Variants in PLOD2 observed in about 807,000 individuals in gnomAD.
PLOD2 encodes lysine hydroxylase 2.
In PLOD2, 65 loss-of-function variants were observed where a neutral mutation model predicts 101.0. The ratio of observed to expected loss-of-function variants is 0.64; its 90% confidence interval spans 0.53 to 0.79. The LOEUF (loss-of-function observed/expected upper bound fraction) is 0.79. PLOD2 is among the 30% of genes least tolerant of loss of function. The pLI is 0.00. For missense variants in PLOD2, 909 were observed against 914.6 expected (o/e 0.99, Z 0.08); for synonymous variants, 314 against 302.9 (o/e 1.04, Z -0.38).
intron 9 of PLOD2, among the ~76,000 whole-genome samples, chr3:146,087,624 C>T (rs1936826836): frequency 6.6e-6 from 1 of 151,258 alleles, no homozygotes; most frequent in Admixed American, 6.6e-5. Flanking sequence ...TTGCTTTTTG[C>T]AGATTTTTAA....
chr3:146,104,172 C>G, intron 6 of PLOD2, 107 bp downstream of exon 6: 1 of 770,496 alleles, frequency 1.3e-6, no homozygotes. Flanking sequence ...AATATTTACA[C>G]TGTCGACCTT....
At chr3:146,109,491 T>C (rs1331704185) in intron 4 of PLOD2, among the ~76,000 whole-genome samples, 1 of 152,222 alleles carries the variant, frequency 6.6e-6, no homozygotes, top group Non-Finnish European at 1.5e-5. Flanking sequence ...GCACTTATTT[T>C]AACTAGCCTG....
chr3:146,148,440 C>G (rs528122080), intron 1 of PLOD2, among the ~76,000 whole-genome samples: 14 of 150,816 alleles, frequency 9.3e-5, no homozygotes, highest in Non-Finnish European at 1.6e-4. Context: ...TACCTAAATA[C>G]GAAGAATAAA....
intron 13 of PLOD2, 65 bp from the exon 14 acceptor site, chr3:146,077,989 A>G: frequency 2.3e-6 from 2 of 878,300 alleles, no homozygotes. Context: ...ATTCTTTGGT[A>G]AATAAAAATA....
Position 146,070,863 on chromosome 3 carries a change from A to G in PLOD2, c.2131T>C (p.Cys711Arg). 6.2e-7 allele frequency: 1 copy of G among 1,608,774 alleles called. No homozygotes were observed. Among genetic ancestry groups the G allele is most frequent in the Non-Finnish European group, 8.5e-7 (1 of 1,176,318 alleles). ...NVGEDFQGGG[C>R]KFLRYNCSIE... ...GAGCAATTGTACCTTAGAAATTTGC[A>G]ACCACCTCCCTAAAAAAGTTAAAAT... Residue 711 changes from cysteine (C) to arginine (R), a missense_variant, in exon 20 of 20, where the codon TGC (cysteine) becomes CGC (arginine). By Grantham distance (180) the Cys-to-Arg change is radical (BLOSUM62 -3). Coordinates refer to ENST00000282903, the MANE Select transcript of PLOD2 (RefSeq NM_182943.3).
intron 7 of PLOD2, among the ~76,000 whole-genome samples, chr3:146,096,852 C>A (rs1937187194): frequency 8.2e-6 from 1 of 122,514 alleles, no homozygotes; most frequent in Non-Finnish European, 1.7e-5. Flanking sequence ...CCCCTCTGCC[C>A]GGCCAGCTGC....
At chr3:146,092,369 C>A (rs1559843448) in intron 7 of PLOD2, among the ~76,000 whole-genome samples, 1 of 151,940 alleles carries the variant, frequency 6.6e-6, no homozygotes, top group Non-Finnish European at 1.5e-5. Flanking sequence ...CAACGCCACA[C>A]AAAATAAATA....
chr3:146,113,580 A>G (rs1310610277), intron 3 of PLOD2, among the ~76,000 whole-genome samples: 2 of 152,192 alleles, frequency 1.3e-5, no homozygotes, highest in African/African-American at 4.8e-5. Flanking sequence ...CTGAACATAA[A>G]TTATGAAGAT....
In PLOD2 at chr3:146,086,771, A is replaced by C. The variant is rs1366586594; in HGVS notation, c.1127+16T>G. The C allele has an allele frequency of 1.4e-6, 2 of 1,394,784 alleles. No individual in the cohort carries two copies. Among genetic ancestry groups the C allele is most frequent in the Non-Finnish European group, 1.9e-6 (2 of 1,035,122 alleles). The allele number at this position is 1,394,784 out of a possible 1,614,324, so 86.4% of individuals were successfully genotyped here. On this transcript the variant is annotated intron_variant, in intron 10 of 19. Coordinates refer to ENST00000282903, the MANE Select transcript of PLOD2 (RefSeq NM_182943.3). Reference sequence around the variant, plus strand: ...AGTAAAATAATTTAATTTAATTTTAATTTATTAAAACATACATTCCCATGT... The same window carrying C: ...AGTAAAATAATTTAATTTAATTTTACTTTATTAAAACATACATTCCCATGT...
chr3:146,070,921 G>T, intron 19 of PLOD2, 49 bp from the exon 20 acceptor site: 1 of 1,544,382 alleles, frequency 6.5e-7, no homozygotes, highest in Non-Finnish European at 8.9e-7. Context: ...TTAACCAGTG[G>T]CAAAATTCAA....
At chr3:146,137,353 A>T (rs1017497859) in intron 1 of PLOD2, among the ~76,000 whole-genome samples, 1 of 152,048 alleles carries the variant, frequency 6.6e-6, no homozygotes, top group African/African-American at 2.4e-5. Flanking sequence ...TAAGTGTGAT[A>T]CTCCCACCTC....
chr3:146,091,789 A>G lies in PLOD2; in HGVS notation c.879+11T>C. Reference sequence around the variant, plus strand: ...TATTACTACATTTCACACATAATCAATTCCACTTACATCTACTGCAGACAA... The same window carrying G: ...TATTACTACATTTCACACATAATCAGTTCCACTTACATCTACTGCAGACAA... On this transcript the variant is annotated intron_variant, in intron 8 of 19. Transcript: ENST00000282903. The G allele has an allele frequency of 7.0e-7, 1 of 1,420,448 alleles. No individual in the cohort carries two copies. The highest frequency in any genetic ancestry group is 2.3e-5 in the East Asian group (1 of 43,932). 88.0% of individuals were successfully genotyped at this position (1,420,448 alleles called of 1,614,324 possible).
At chr3:146,122,744 T>C (rs3792339) in intron 2 of PLOD2, among the ~76,000 whole-genome samples, 76,357 of 151,856 alleles carry the variant, frequency 0.5, 19,280 homozygotes, top group East Asian at 0.56. Flanking sequence ...TATATAGTTA[T>C]TTGCCTTGGG....
intron 3 of PLOD2, among the ~76,000 whole-genome samples, chr3:146,114,245 C>CT (rs200978826): frequency 2.6e-5 from 1 of 38,140 alleles, no homozygotes; most frequent in Non-Finnish European, 5.4e-5. Flanking sequence ...ATTTTATTGC[C>CT]TCTGTGTGCC....
intron 7 of PLOD2, among the ~76,000 whole-genome samples, chr3:146,096,891 A>T (rs867486572): frequency 1.3e-5 from 1 of 74,546 alleles, no homozygotes; most frequent in African/African-American, 6.5e-5. Context: ...GGGGGGGGGG[A>T]GTCGGCCAGC....
Position 146,124,187 on chromosome 3 carries a change from C to G in PLOD2, c.152G>C (p.Gly51Ala). 6.3e-7 allele frequency: 1 copy of G among 1,597,676 alleles called. No individual in the cohort carries two copies. The highest frequency in any genetic ancestry group is 8.6e-7 in the Non-Finnish European group (1 of 1,165,836). ...VITVATKESD[G>A]FHRFMQSAKY... ...GGCTGACTGCATAAATCGATGGAAT[C>G]CATCACTTTCTTTTGTTGCTACAGT... Residue 51 changes from glycine to alanine, a missense_variant, in exon 2 of 20, where the codon GGA (glycine) becomes GCA (alanine). Transcript: ENST00000282903.
Position 146,079,106 on chromosome 3 carries a change from C to T in PLOD2, c.1500+10G>A, listed in dbSNP as rs1936442001. On this transcript the variant is annotated intron_variant, in intron 13 of 19. Transcript: ENST00000282903. ...AGAACATTCAAGCAAGCCATCACTG[C>T]ATATCTTACCATTTCTCTAGCATTT... 2 of 1,611,854 alleles carry T rather than the reference C, an allele frequency of 1.2e-6. No homozygotes were observed. The highest frequency in any genetic ancestry group is 1.7e-6 in the Non-Finnish European group (2 of 1,178,316).
intron 1 of PLOD2, among the ~76,000 whole-genome samples, chr3:146,130,370 T>A (rs1190703524): frequency 6.6e-6 from 1 of 152,162 alleles, no homozygotes; most frequent in Admixed American, 6.6e-5. Flanking sequence ...CCACAAATTG[T>A]AATTACATAT....
intron 1 of PLOD2, among the ~76,000 whole-genome samples, chr3:146,144,170 A>G (rs765509210): frequency 8.5e-5 from 13 of 152,144 alleles, no homozygotes; most frequent in Admixed American, 4.6e-4. Context: ...TTTCTTTTTA[A>G]GATTTATACC....
Sources: allele counts gnomAD v4.1 joint callset (sites outside exome capture counted in the v4.1 genomes callset), GRCh38; gene constraint gnomAD v4.1.1; transcripts MANE v1.5; gene names NCBI Gene and HGNC (gene_info 2026-07-23, HGNC 2026-07-21).